TNR: variants seen among roughly 807,000 people sequenced by gnomAD.
TNR encodes the protein tenascin R.
In TNR, 45 loss-of-function variants were observed where a neutral mutation model predicts 150.4. That is an observed-to-expected ratio of 0.30 (90% CI 0.24 to 0.38). The LOEUF (loss-of-function observed/expected upper bound fraction) is 0.38, where lower values mean the gene tolerates loss of function less well. Ranked by LOEUF, TNR falls within the 10% of genes least tolerant of loss-of-function variation. TNR has a pLI of 1.00. For synonymous variants in TNR, 687 were observed against 678.4 expected (o/e 1.01, Z -0.20); for missense variants, 1,544 against 1,759.1 (o/e 0.88, Z 2.19).
At position 175,599,199 on chromosome 1, in the gene TNR, C is replaced by T. The variant is rs1663129063; in HGVS notation, c.-164-70830G>A. 1.3e-5 allele frequency among the ~76,000 whole-genome samples: 2 copies of T among 152,302 alleles called. No homozygotes were observed. Among genetic ancestry groups the T allele is most frequent in the South Asian group, 4.1e-4 (2 of 4,822 alleles). On this transcript the variant is annotated intron_variant, in intron 1 of 22. Coordinates refer to ENST00000367674, the MANE Select transcript of TNR (RefSeq NM_003285.3). The surrounding 1 kb of genome is among the most constrained non-coding windows in gnomAD (Gnocchi z 4.7). Reference sequence around the variant, plus strand: ...GAGCAGGAGGGAGGGGAAGCTGTCCCCAGCTGCCAGATGGGAAGTGTCAGC... The same window carrying T: ...GAGCAGGAGGGAGGGGAAGCTGTCCTCAGCTGCCAGATGGGAAGTGTCAGC...
At chr1:175,511,774 C>G (rs1659184848) in intron 2 of TNR, among the ~76,000 whole-genome samples, 1 of 152,230 alleles carries the variant, frequency 6.6e-6, no homozygotes, top group Non-Finnish European at 1.5e-5. Context: ...GTTCCCCTTT[C>G]CTTCCCCTGA....
chr1:175,517,471 C>A (rs1199514034), intron 2 of TNR, among the ~76,000 whole-genome samples: 1 of 152,124 alleles, frequency 6.6e-6, no homozygotes, highest in Non-Finnish European at 1.5e-5. Flanking sequence ...AGGAAATATG[C>A]CTTCCCTACC....
chr1:175,609,824 CAGA>C (rs1298002627), intron 1 of TNR, among the ~76,000 whole-genome samples: 1 of 152,152 alleles, frequency 6.6e-6, no homozygotes, highest in Non-Finnish European at 1.5e-5. Flanking sequence ...AAATCATAAT[CAGA>C]AGGACAAGAA....
intron 1 of TNR, among the ~76,000 whole-genome samples, chr1:175,553,435 T>A (rs1414869911): frequency 2.6e-5 from 4 of 152,204 alleles, no homozygotes; most frequent in Non-Finnish European, 5.9e-5. Context: ...GATATTTAAT[T>A]TCCTCTTCCA....
At chr1:175,514,798 AC>A (rs1659333711) in intron 2 of TNR, among the ~76,000 whole-genome samples, 1 of 152,216 alleles carries the variant, frequency 6.6e-6, no homozygotes, top group Non-Finnish European at 1.5e-5. Flanking sequence ...ATGCCAGGCG[AC>A]CACAGCTCTG....
At chr1:175,632,748 G>GA (rs1193215627) in intron 1 of TNR, among the ~76,000 whole-genome samples, 2 of 152,088 alleles carry the variant, frequency 1.3e-5, no homozygotes, top group Non-Finnish European at 2.9e-5. Flanking sequence ...TTTTCCAGAT[G>GA]AAAAAAACGA....
At chr1:175,331,590 C>T (rs1017644983) in intron 20 of TNR, among the ~76,000 whole-genome samples, 1 of 152,102 alleles carries the variant, frequency 6.6e-6, no homozygotes, top group African/African-American at 2.4e-5. Flanking sequence ...ATTTTCTTGC[C>T]TGCTTGTCAT....
rs527489615 is a variant in TNR at position 175,736,312 on chromosome 1, G to A, written c.-165+6914C>T. Among the ~76,000 whole-genome samples, 6 of 152,168 alleles carry A rather than the reference G, an allele frequency of 3.9e-5. No individual in the cohort carries two copies. In the South Asian group the frequency reaches 1.0e-3, roughly 26 times the overall value. On this transcript the variant is annotated intron_variant, in intron 1 of 22. Transcript: ENST00000367674. The stretch of plus-strand genomic sequence containing the variant: ...CAAGGCGGGTGGATCACGAGGTCAG[G>A]ATATCGAGACCATCCTGGCTAACAT...
intron 1 of TNR, among the ~76,000 whole-genome samples, chr1:175,693,158 T>C (rs1191820544): frequency 1.3e-5 from 2 of 152,216 alleles, no homozygotes; most frequent in African/African-American, 4.8e-5. Context: ...AAGAGACTTA[T>C]TTCCCAAAAA....
At chr1:175,695,171 C>T (rs1018761664) in intron 1 of TNR, among the ~76,000 whole-genome samples, 3 of 152,162 alleles carry the variant, frequency 2.0e-5, no homozygotes, top group East Asian at 3.9e-4. Context: ...ATTAGGGCTT[C>T]CTGTTGCTCT....
chr1:175,573,035 C>T (rs1661943654), intron 1 of TNR, among the ~76,000 whole-genome samples: 1 of 152,132 alleles, frequency 6.6e-6, no homozygotes, highest in Admixed American at 6.6e-5. Context: ...CATCCTGAAG[C>T]TAAATGCATT....
intron 1 of TNR, among the ~76,000 whole-genome samples, chr1:175,591,389 G>A (rs770278547): frequency 6.6e-6 from 1 of 152,172 alleles, no homozygotes; most frequent in Non-Finnish European, 1.5e-5. Context: ...TTGAGACCCT[G>A]GCACTTCAAA....
chr1:175,592,676 A>C (rs574419583), intron 1 of TNR, among the ~76,000 whole-genome samples: 9 of 152,344 alleles, frequency 5.9e-5, no homozygotes, highest in Admixed American at 4.6e-4. Context: ...GAGAGCATCA[A>C]GTGAGTTACA....
At chr1:175,413,931 G>A (rs1013091966) in intron 2 of TNR, among the ~76,000 whole-genome samples, 7 of 152,136 alleles carry the variant, frequency 4.6e-5, no homozygotes, top group Admixed American at 1.3e-4. Flanking sequence ...CCAGGAGTTT[G>A]AGACCAGCCT....
intron 2 of TNR, among the ~76,000 whole-genome samples, chr1:175,431,010 G>A (rs963087122): frequency 1.5e-4 from 23 of 152,290 alleles, no homozygotes; most frequent in African/African-American, 5.3e-4. Context: ...TGGGCTAGGG[G>A]AGATATTTGA....
chr1:175,723,752 C>T (rs948115040), intron 1 of TNR, among the ~76,000 whole-genome samples: 1 of 152,088 alleles, frequency 6.6e-6, no homozygotes. Context: ...GTGGCTCACG[C>T]CTGTAATCCC....
At chr1:175,637,414 A>G (rs1306701094) in intron 1 of TNR, among the ~76,000 whole-genome samples, 1 of 152,186 alleles carries the variant, frequency 6.6e-6, no homozygotes, top group African/African-American at 2.4e-5. Context: ...CCAACACCAA[A>G]TCTTATCTCC....
chr1:175,530,113 C>T (rs1170483243), intron 1 of TNR, among the ~76,000 whole-genome samples: 1 of 152,164 alleles, frequency 6.6e-6, no homozygotes, highest in Admixed American at 6.5e-5. Context: ...TCGTTTCTCC[C>T]AATCTCGGTT....
chr1:175,423,003 A>T (rs992410907), intron 2 of TNR, among the ~76,000 whole-genome samples: 1 of 152,162 alleles, frequency 6.6e-6, no homozygotes, highest in Non-Finnish European at 1.5e-5. Flanking sequence ...TGGAGACACA[A>T]TGCCTATCTG....
Sources: gnomAD v4.1 joint callset for allele counts (sites outside exome capture counted in the v4.1 genomes callset) on GRCh38, gnomAD v4.1.1 for gene constraint, Gnocchi (gnomAD v3.1) non-coding constraint, MANE v1.5 for transcripts, NCBI Gene and HGNC (gene_info 2026-07-23, HGNC 2026-07-21) for gene names.